FRMD4A: variants seen among roughly 807,000 people sequenced by gnomAD.
FRMD4A encodes the protein FERM domain-containing protein 4A.
FRMD4A carries 29 observed loss-of-function variants against 129.1 expected under a neutral mutation model. The ratio of observed to expected loss-of-function variants is 0.22; its 90% CI spans 0.17 to 0.31. The LOEUF (loss-of-function observed/expected upper bound fraction) is 0.31, where lower values mean the gene tolerates loss of function less well. Among genes scored for constraint, FRMD4A ranks in the 10% least tolerant of loss-of-function variants. The pLI is 1.00. For synonymous variants in FRMD4A, 634 were observed against 571.6 expected (o/e 1.11, Z -1.56); for missense variants, 1,272 against 1,375.8 (o/e 0.92, Z 1.19).
At position 13,965,473 on chromosome 10, in the gene FRMD4A, T is replaced by C. The variant is rs186137618; in HGVS notation, c.46-106561A>G. Among the ~76,000 whole-genome samples the C allele has an allele frequency of 3.1e-3, 475 of 152,318 alleles. 1 individual carries two copies. The highest frequency in any genetic ancestry group is 5.2e-3 in the Non-Finnish European group (353 of 68,022). ...GGCAGTGTTCCCACTGTCAGGAGTA[T>C]ATTTCATATATAGGACACACAATTA... is the stretch of plus-strand genomic sequence containing the variant. On this transcript the variant is annotated intron_variant, in intron 2 of 24. Coordinates refer to ENST00000357447, the MANE Select transcript of FRMD4A (RefSeq NM_018027.5).
intron 9 of FRMD4A, among the ~76,000 whole-genome samples, chr10:13,740,957 G>A (rs954022195): frequency 6.6e-6 from 1 of 151,562 alleles, no homozygotes; most frequent in East Asian, 2.0e-4. Flanking sequence ...CTCCAGAGTA[G>A]CTGGGACTAC....
At chr10:13,970,078 TC>T (rs1402014754) in intron 2 of FRMD4A, among the ~76,000 whole-genome samples, 1 of 152,138 alleles carries the variant, frequency 6.6e-6, no homozygotes, top group South Asian at 2.1e-4. Context: ...GGATTTTTTT[TC>T]CCCCAGGATT....
chr10:14,272,671 G>A (rs569225667), intron 2 of FRMD4A, among the ~76,000 whole-genome samples: 4 of 152,264 alleles, frequency 2.6e-5, no homozygotes, highest in African/African-American at 7.2e-5. Context: ...ACAACCTAGT[G>A]CAGCTACATT....
At chr10:13,785,791 G>GC (rs1200386294) in intron 5 of FRMD4A, among the ~76,000 whole-genome samples, 2 of 150,586 alleles carry the variant, frequency 1.3e-5, no homozygotes, top group African/African-American at 4.9e-5. Flanking sequence ...CCCACGACAG[G>GC]CCCCAGTATG....
At chr10:13,963,688 C>G (rs35833854) in intron 2 of FRMD4A, among the ~76,000 whole-genome samples, 13,220 of 152,230 alleles carry the variant, frequency 0.087, 696 homozygotes, top group Admixed American at 0.12. Flanking sequence ...AGCATATTTT[C>G]TATAAAGAAG....
chr10:13,973,151 T>A (rs1298419632), intron 2 of FRMD4A, among the ~76,000 whole-genome samples: 1 of 152,238 alleles, frequency 6.6e-6, no homozygotes, highest in East Asian at 1.9e-4. Context: ...TGAGGTCACT[T>A]ACTTAAAGTG....
chr10:14,031,621 A>G lies in FRMD4A; in HGVS notation c.46-172709T>C, dbSNP rs185375395. Reference sequence around the variant, plus strand: ...AGACACACAGGATTTAAAGATTTCCATGCCTTCCGGAGTTGTTTAGAGAAC... The same window carrying G: ...AGACACACAGGATTTAAAGATTTCCGTGCCTTCCGGAGTTGTTTAGAGAAC... On this transcript the variant is annotated intron_variant, in intron 2 of 24. Coordinates refer to ENST00000357447, the MANE Select transcript of FRMD4A (RefSeq NM_018027.5). Among the ~76,000 whole-genome samples the G allele has an allele frequency of 4.2e-3, 634 of 152,258 alleles. 5 individuals carry two copies. Among genetic ancestry groups the G allele is most frequent in the Middle Eastern group, 0.027 (8 of 294 alleles).
chr10:13,908,689 C>T (rs76080209), intron 2 of FRMD4A, among the ~76,000 whole-genome samples: 2,225 of 152,308 alleles, frequency 0.015, 45 homozygotes, highest in African/African-American at 0.048. Flanking sequence ...GCTCCTCTTC[C>T]GGGAATTCAT....
At chr10:14,093,031 T>C (rs1356891401) in intron 2 of FRMD4A, among the ~76,000 whole-genome samples, 1 of 152,152 alleles carries the variant, frequency 6.6e-6, no homozygotes, top group Admixed American at 6.5e-5. Flanking sequence ...GCTCCCTGCA[T>C]CACTTCTGCT....
chr10:13,776,312 G>T (rs1343001), intron 6 of FRMD4A, among the ~76,000 whole-genome samples: 147,872 of 152,146 alleles, frequency 0.97, 71,863 homozygotes, highest in East Asian at 1. Flanking sequence ...GATCTCACTA[G>T]GTTGCCCAGG....
At chr10:13,733,446 T>C (rs2090439777) in intron 12 of FRMD4A, among the ~76,000 whole-genome samples, 1 of 152,152 alleles carries the variant, frequency 6.6e-6, no homozygotes, top group South Asian at 2.1e-4. Context: ...GCCTGGTTTT[T>C]TTTTTGGAGA....
chr10:14,327,314 A>G (rs567625272), intron 2 of FRMD4A, among the ~76,000 whole-genome samples: 1 of 152,384 alleles, frequency 6.6e-6, no homozygotes, highest in South Asian at 2.1e-4. Context: ...TCATAGCAAT[A>G]CTGCTCATGT....
At chr10:14,039,730 C>T (rs1406588083) in intron 2 of FRMD4A, among the ~76,000 whole-genome samples, 1 of 152,126 alleles carries the variant, frequency 6.6e-6, no homozygotes, top group Non-Finnish European at 1.5e-5. Flanking sequence ...GAACCCTCTT[C>T]CTCACTTTGA....
intron 2 of FRMD4A, among the ~76,000 whole-genome samples, chr10:13,918,480 T>C (rs867188459): frequency 1.3e-5 from 2 of 152,200 alleles, no homozygotes; most frequent in Non-Finnish European, 2.9e-5. Context: ...TCAAGTACTA[T>C]GTGCAAAGCT....
intron 2 of FRMD4A, among the ~76,000 whole-genome samples, chr10:14,099,963 G>T (rs149313059): frequency 6.6e-6 from 1 of 152,034 alleles, no homozygotes; most frequent in Non-Finnish European, 1.5e-5. Context: ...TTCTCCCTCC[G>T]TTCCCTGTCT....
chr10:13,925,152 T>G (rs1197504018), intron 2 of FRMD4A, among the ~76,000 whole-genome samples: 1 of 151,246 alleles, frequency 6.6e-6, no homozygotes, highest in Non-Finnish European at 1.5e-5. Context: ...GGTGGCACAA[T>G]GGGCAAGATC....
chr10:13,780,564 C>T (rs1016556501), intron 6 of FRMD4A, among the ~76,000 whole-genome samples: 3 of 152,156 alleles, frequency 2.0e-5, no homozygotes, highest in Non-Finnish European at 4.4e-5. Flanking sequence ...AAATGGCCAA[C>T]AGCATGCGGA....
chr10:13,706,074 A>T (rs2087402812), intron 13 of FRMD4A, among the ~76,000 whole-genome samples: 1 of 152,198 alleles, frequency 6.6e-6, no homozygotes, highest in Admixed American at 6.5e-5. Context: ...TTTGAGCATC[A>T]GAAGCCATGT....
chr10:14,065,029 C>T (rs1307068596), intron 2 of FRMD4A, among the ~76,000 whole-genome samples: 5 of 152,182 alleles, frequency 3.3e-5, no homozygotes, highest in Admixed American at 6.5e-5. Flanking sequence ...AGCATTTCAA[C>T]GTATACTACT....
Sources: allele counts gnomAD v4.1 joint callset (sites outside exome capture counted in the v4.1 genomes callset), GRCh38; gene constraint gnomAD v4.1.1; transcripts MANE v1.5; gene names NCBI Gene and HGNC (gene_info 2026-07-23, HGNC 2026-07-21).